Variants in PCSK5 observed in about 807,000 individuals in gnomAD.
PCSK5 encodes proprotein convertase subtilisin/kexin type 5.
In PCSK5, 129 loss-of-function variants were observed where a neutral mutation model predicts 233.2. The ratio of observed to expected loss-of-function variants is 0.55; its 90% CI spans 0.48 to 0.64. PCSK5 has a LOEUF of 0.64. PCSK5 is among the 30% of genes least tolerant of loss of function. The pLI is 0.00. For missense variants in PCSK5, 2,076 were observed against 2,430.1 expected (o/e 0.85, Z 3.06); for synonymous variants, 825 against 879.2 (o/e 0.94, Z 1.09).
chr9:75,957,274 C>T (rs1366063805), intron 2 of PCSK5, among the ~76,000 whole-genome samples: 1 of 152,176 alleles, frequency 6.6e-6, no homozygotes, highest in Non-Finnish European at 1.5e-5. Context: ...CATAAGATGG[C>T]TTCTACTCTT....
At chr9:75,921,754 T>C (rs1312851657) in intron 1 of PCSK5, among the ~76,000 whole-genome samples, 21 of 152,208 alleles carry the variant, frequency 1.4e-4, no homozygotes, top group Admixed American at 1.4e-3. Flanking sequence ...ATCTGAGGAC[T>C]AGAGTACATG....
Position 76,023,949 on chromosome 9 carries a change from A to T in PCSK5, c.555+68A>T, listed in dbSNP as rs954754638. On this transcript the variant is annotated intron_variant, in intron 4 of 37. Coordinates refer to ENST00000674117, the MANE Select transcript of PCSK5 (RefSeq NM_001372043.1). ...CAGAGAAACTCATGTTAGGATTATC[A>T]AAAAGGTGGATAGCTACTGAAAAAT... 2.8e-6 allele frequency: 4 copies of T among 1,407,038 alleles called. No homozygotes were observed. In the African/African-American group the frequency reaches 5.7e-5, roughly 20 times the overall value. 87.2% of individuals were successfully genotyped at this position (1,407,038 alleles called of 1,614,324 possible).
chr9:76,141,398 GA>G (rs1341458652), intron 10 of PCSK5, among the ~76,000 whole-genome samples: 1 of 152,118 alleles, frequency 6.6e-6, no homozygotes, highest in Non-Finnish European at 1.5e-5. Flanking sequence ...TTGGGCTCCA[GA>G]GTCCAACAAC....
chr9:75,977,122 T>C (rs1289383077), intron 2 of PCSK5, among the ~76,000 whole-genome samples: 1 of 152,190 alleles, frequency 6.6e-6, no homozygotes, highest in Non-Finnish European at 1.5e-5. Flanking sequence ...GAGTCATATG[T>C]TTGTTTATAA....
In PCSK5 at chr9:76,238,875, TAA is replaced by T; in HGVS notation, c.2867-81_2867-80del. 8.7e-6 allele frequency: 9 copies of T among 1,039,352 alleles called. No homozygotes were observed. In the South Asian group the frequency reaches 1.3e-4, roughly 16 times the overall value. The allele number at this position is 1,039,352 out of a possible 1,614,324, so 64.4% of individuals were successfully genotyped here. On this transcript the variant is annotated intron_variant, in intron 22 of 37. Coordinates refer to ENST00000674117, the MANE Select transcript of PCSK5 (RefSeq NM_001372043.1). The stretch of plus-strand genomic sequence containing the variant: ...AAAAAAGCACTCAGTCGCATCTTTT[TAA>T]AATATAATATCTTACATTATAATAG...
At chr9:76,105,395 A>G (rs1417272354) in intron 8 of PCSK5, among the ~76,000 whole-genome samples, 1 of 152,190 alleles carries the variant, frequency 6.6e-6, no homozygotes, top group Non-Finnish European at 1.5e-5. Context: ...AGAGTGAGGA[A>G]CTGTTCAGTG....
chr9:76,179,572 A>C, intron 14 of PCSK5, 24 bp from the exon 15 acceptor site: 1 of 1,556,358 alleles, frequency 6.4e-7, no homozygotes, highest in Non-Finnish European at 8.9e-7. Flanking sequence ...TTTTCCAAGT[A>C]TTGTTCTAAT....
intron 2 of PCSK5, among the ~76,000 whole-genome samples, chr9:75,966,888 C>T (rs1472915540): frequency 6.6e-6 from 1 of 152,122 alleles, no homozygotes; most frequent in African/African-American, 2.4e-5. Flanking sequence ...TTGTGAAAAA[C>T]CCTTAAGCAC....
At position 76,189,194 on chromosome 9, in the gene PCSK5, T is replaced by C. The variant is rs1824247178; in HGVS notation, c.2481T>C (p.Ser827=). ...SCSISYYFDH[S]SENGYKSCKK... is the part of the protein sequence containing the mutation. Reference sequence around the variant, plus strand: ...GTATCAGCTATTACTTTGACCACTCTTCAGAGAATGGATACAAATCCTGCA... The same window carrying C: ...GTATCAGCTATTACTTTGACCACTCCTCAGAGAATGGATACAAATCCTGCA... Residue 827 remains serine (S), a synonymous_variant, in exon 19 of 38, where the codon TCT becomes TCC. Transcript: ENST00000674117. The C allele has an allele frequency of 1.2e-6, 2 of 1,612,928 alleles. No individual in the cohort carries two copies. Among genetic ancestry groups the C allele is most frequent in the South Asian group, 1.1e-5 (1 of 91,048 alleles).
chr9:76,000,097 A>T (rs1827201002), intron 3 of PCSK5, among the ~76,000 whole-genome samples: 1 of 152,196 alleles, frequency 6.6e-6, no homozygotes, highest in Non-Finnish European at 1.5e-5. Flanking sequence ...CAACCCCATC[A>T]AAAAGTGGGT....
chr9:76,310,772 G>A lies in PCSK5; in HGVS notation c.3805G>A (p.Asp1269Asn), dbSNP rs567490475. The A allele has an allele frequency of 6.8e-6, 11 of 1,611,892 alleles. No homozygotes were observed. Among genetic ancestry groups the A allele is most frequent in the African/African-American group, 2.7e-5 (2 of 74,896 alleles). ...TEACAICSGA[D>N]LCKKCQMQPG... ...GGCCTGTGCCATCTGCTCTGGAGCC[G>A]ATCTTTGCAAAAAATGCCAGATGCA... Residue 1269 changes from aspartate to asparagine, a missense_variant, in exon 30 of 38, where the codon GAT becomes AAT. Physicochemically the swap from Asp to Asn is conservative, Grantham distance 23. Coordinates refer to ENST00000674117, the MANE Select transcript of PCSK5 (RefSeq NM_001372043.1).
intron 10 of PCSK5, among the ~76,000 whole-genome samples, chr9:76,148,026 T>C (rs750757494): frequency 4.6e-5 from 7 of 152,070 alleles, no homozygotes; most frequent in Non-Finnish European, 1.0e-4. Context: ...ATTAGCTGCG[T>C]CCATTTCCTT....
intron 7 of PCSK5, among the ~76,000 whole-genome samples, chr9:76,085,871 A>G (rs1180195205): frequency 3.3e-5 from 5 of 152,230 alleles, no homozygotes; most frequent in Non-Finnish European, 5.9e-5. Context: ...AGAGAAGAGT[A>G]TGAACTTTCC....
chr9:76,169,903 GC>G, intron 13 of PCSK5, 63 bp downstream of exon 13: 1 of 1,459,530 alleles, frequency 6.9e-7, no homozygotes, highest in Non-Finnish European at 9.5e-7. Context: ...GTATATTTTG[GC>G]CAGAGTGTTT....
chr9:76,229,062 C>T (rs1564122172), intron 21 of PCSK5, among the ~76,000 whole-genome samples: 3 of 151,954 alleles, frequency 2.0e-5, no homozygotes, highest in Admixed American at 6.6e-5. Flanking sequence ...GAGAAAGGAC[C>T]GAAGAAGACA....
rs1328781873 is a variant in PCSK5, at chr9:75,932,526, T to G, written c.297+43T>G. The G allele has an allele frequency of 3.4e-6, 4 of 1,172,598 alleles. No homozygotes were observed. In the East Asian group the frequency reaches 9.3e-5, roughly 27 times the overall value. 72.6% of individuals were successfully genotyped at this position (1,172,598 alleles called of 1,614,324 possible). ...CGTGGGGACCAAGAGGCAAAGCTTC[T>G]GCATTTTTCATTGGTAATAACACAC... On this transcript the variant is annotated intron_variant, in intron 2 of 37. Transcript: ENST00000674117.
At chr9:76,344,168 C>T (rs1829913157) in intron 35 of PCSK5, among the ~76,000 whole-genome samples, 1 of 152,120 alleles carries the variant, frequency 6.6e-6, no homozygotes, top group Non-Finnish European at 1.5e-5. Flanking sequence ...TATTGGACAC[C>T]ACAGTAATAA....
At chr9:76,288,081 T>A (rs1828145120) in intron 24 of PCSK5, 1 of 152,260 alleles carries the variant, frequency 6.6e-6, no homozygotes, top group Non-Finnish European at 1.5e-5. Flanking sequence ...CAGGTCACCA[T>A]CTCGAGGGGG....
chr9:76,222,150 T>C (rs1825747571), intron 20 of PCSK5, among the ~76,000 whole-genome samples: 1 of 151,592 alleles, frequency 6.6e-6, no homozygotes, highest in African/African-American at 2.4e-5. Context: ...CATATATCAA[T>C]TTATTTCCAT....
Sources: gnomAD v4.1 joint callset for allele counts (sites outside exome capture counted in the v4.1 genomes callset) on GRCh38, gnomAD v4.1.1 for gene constraint, MANE v1.5 for transcripts, NCBI Gene and HGNC (gene_info 2026-07-23, HGNC 2026-07-21) for gene names.